COQ10B: variants seen among roughly 807,000 people sequenced by gnomAD.
COQ10B encodes coenzyme Q-binding protein COQ10 homolog B, mitochondrial.
COQ10B carries 12 observed loss-of-function variants against 27.6 expected under a neutral mutation model. The ratio of observed to expected loss-of-function variants is 0.43; its 90% CI spans 0.28 to 0.70. The LOEUF is 0.70. COQ10B is among the 30% of genes least tolerant of loss of function. COQ10B has a pLI of 0.17. For synonymous variants in COQ10B, 115 were observed against 103.0 expected (o/e 1.12, Z -0.71); for missense variants, 278 against 288.7 (o/e 0.96, Z 0.27).
At chr2:197,457,008 G>A (rs1214300833) in intron 1 of COQ10B, among the ~76,000 whole-genome samples, 1 of 151,936 alleles carries the variant, frequency 6.6e-6, no homozygotes, top group Non-Finnish European at 1.5e-5. Context: ...GTGGGGTGGG[G>A]GATGGCTTCA....
intron 3 of COQ10B, among the ~76,000 whole-genome samples, chr2:197,463,996 T>TATATACAC (rs1553574096): frequency 6.1e-5 from 2 of 32,856 alleles, no homozygotes; most frequent in South Asian, 1.8e-3. Context: ...TATATATATA[T>TATATACAC]ACACACACAC....
chr2:197,456,380 G>T (rs960498232), intron 1 of COQ10B, among the ~76,000 whole-genome samples: 1 of 151,456 alleles, frequency 6.6e-6, no homozygotes. Context: ...CAGGAGAATC[G>T]CTTGAACTGG....
Position 197,462,607 on chromosome 2 carries a change from G to T in COQ10B, c.323G>T (p.Cys108Phe). 1 of 1,596,798 alleles carries T rather than the reference G, an allele frequency of 6.3e-7. No homozygotes were observed. Among genetic ancestry groups the T allele is most frequent in the Non-Finnish European group, 8.6e-7 (1 of 1,168,506 alleles). Residue 108 changes from cysteine (C) to phenylalanine (F), a missense_variant, in exon 3 of 5, where the codon TGC becomes TTC. Cys to Phe is a radical substitution (Grantham distance 205). Transcript: ENST00000263960. ...VEDYKHFVPW[C>F]KKSDVISKRS... ...GATTACAAGCATTTTGTTCCTTGGT[G>T]CAAAAAATCAGATGTTATATCAAAG...
chr2:197,455,095 G>C (rs2085681913), intron 1 of COQ10B, among the ~76,000 whole-genome samples: 1 of 151,958 alleles, frequency 6.6e-6, no homozygotes, highest in Non-Finnish European at 1.5e-5. Flanking sequence ...TTTTCCTTAG[G>C]CTTGTAATCA....
In COQ10B at chr2:197,473,776, C is replaced by T. The variant is rs771101855; in HGVS notation, c.569C>T (p.Ser190Leu). 6.7e-7 allele frequency: 1 copy of T among 1,497,196 alleles called. No individual in the cohort carries two copies. The highest frequency in any genetic ancestry group is 8.9e-7 in the Non-Finnish European group (1 of 1,119,084). 92.7% of individuals were successfully genotyped at this position (1,497,196 alleles called of 1,614,324 possible). Residue 190 changes from serine to leucine, a missense_variant, in exon 5 of 5, where the codon TCA (serine) becomes TTA (leucine). By Grantham distance (145) the Ser-to-Leu change is moderately radical. This residue lies in a region of COQ10B where 83 missense variants were observed against 104.5 expected (regional missense o/e 0.79). Transcript: ENST00000263960. Reference protein sequence around the residue: ...LDFSISFEFRSLLHSQLATLF... With the variant: ...LDFSISFEFRLLLHSQLATLF... ...CTACAGATTTCTTTTGAATTTCGATCACTTCTACATTCCCAGCTTGCCACA... is the reference window on the plus strand; with the variant it reads ...CTACAGATTTCTTTTGAATTTCGATTACTTCTACATTCCCAGCTTGCCACA...
At chr2:197,458,576 A>G (rs902911658) in intron 1 of COQ10B, among the ~76,000 whole-genome samples, 6 of 152,208 alleles carry the variant, frequency 3.9e-5, no homozygotes, top group Non-Finnish European at 8.8e-5. Context: ...ATAGGAGCTC[A>G]GTAAATATGT....
At chr2:197,453,769 T>C (rs1388110457) in intron 1 of COQ10B, 105 bp downstream of exon 1, 2 of 1,112,636 alleles carry the variant, frequency 1.8e-6, no homozygotes, top group Non-Finnish European at 2.7e-6. Flanking sequence ...ACTCGGTGCA[T>C]TTCCGTGTCT....
At chr2:197,473,635 G>T (rs1451833231) in intron 4 of COQ10B, 122 bp from the exon 5 acceptor site, 1 of 613,442 alleles carries the variant, frequency 1.6e-6, no homozygotes, top group Non-Finnish European at 2.6e-6. Flanking sequence ...GCAGTGAGCC[G>T]CAATTGTGCC....
chr2:197,460,912 T>C (rs1276856852), intron 2 of COQ10B, among the ~76,000 whole-genome samples: 1 of 152,206 alleles, frequency 6.6e-6, no homozygotes, highest in East Asian at 1.9e-4. Context: ...GTGTGGCCCC[T>C]GATCTAGGGG....
chr2:197,459,651 A>G (rs2085735335), intron 1 of COQ10B, among the ~76,000 whole-genome samples: 1 of 152,196 alleles, frequency 6.6e-6, no homozygotes, highest in African/African-American at 2.4e-5. Flanking sequence ...TTATGGTAAG[A>G]GTAAGTTGTA....
At chr2:197,465,447 G>C (rs911822456) in intron 3 of COQ10B, among the ~76,000 whole-genome samples, 1 of 151,902 alleles carries the variant, frequency 6.6e-6, no homozygotes, top group African/African-American at 2.4e-5. Flanking sequence ...GTGCCACCAC[G>C]CTCGGCTATT....
At chr2:197,459,092 T>C (rs977322760) in intron 1 of COQ10B, among the ~76,000 whole-genome samples, 7 of 152,182 alleles carry the variant, frequency 4.6e-5, no homozygotes, top group African/African-American at 1.4e-4. Context: ...TAACTAGACA[T>C]GTTTTTACAT....
At chr2:197,456,046 A>G (rs1490894722) in intron 1 of COQ10B, among the ~76,000 whole-genome samples, 2 of 152,216 alleles carry the variant, frequency 1.3e-5, no homozygotes, top group Non-Finnish European at 2.9e-5. Context: ...ATTCAGCCAT[A>G]AAAAAGAATG....
intron 3 of COQ10B, among the ~76,000 whole-genome samples, chr2:197,463,994 T>TAC (rs1272219094): frequency 0.018 from 890 of 50,804 alleles, 9 homozygotes; most frequent in East Asian, 0.027. Flanking sequence ...TATATATATA[T>TAC]ATACACACAC....
chr2:197,453,655 G>T lies in COQ10B; in HGVS notation c.95G>T (p.Arg32Leu). The T allele has an allele frequency of 1.9e-6, 3 of 1,613,486 alleles. No homozygotes were observed. The highest frequency in any genetic ancestry group is 2.5e-6 in the Non-Finnish European group (3 of 1,179,582). ...GCGGCCGGGGCGCAGGCGCCCGTGC[G>T]GAATGGCAGGTAATCAACAGCGGGG... ...ATAAGAQAPV[R>L]NGRYLASCGI... Residue 32 changes from arginine (R) to leucine (L), a missense_variant, in exon 1 of 5, where the codon CGG becomes CTG. Coordinates refer to ENST00000263960, the MANE Select transcript of COQ10B (RefSeq NM_025147.5).
chr2:197,467,015 C>T (rs553802054), intron 3 of COQ10B, among the ~76,000 whole-genome samples: 4 of 149,906 alleles, frequency 2.7e-5, no homozygotes, highest in East Asian at 2.0e-4. Context: ...GCATGATCTA[C>T]GGCTCACCGC....
rs1208430482 is a variant in COQ10B at position 197,473,402 on chromosome 2, C to CA, written c.550-341dup. ...AACCCCTTCTCTACGCCCCCCCCCA[C>CA]AAAAAAAAAAAAAATATATATATAT... On this transcript the variant is annotated intron_variant, in intron 4 of 4. Coordinates refer to ENST00000263960, the MANE Select transcript of COQ10B (RefSeq NM_025147.5). 9.7e-3 allele frequency among the ~76,000 whole-genome samples: 444 copies of CA among 45,654 alleles called. 27 individuals are homozygous for CA. Among genetic ancestry groups the CA allele is most frequent in the Non-Finnish European group, 0.012 (325 of 26,226 alleles). 30.0% of individuals were successfully genotyped at this position (45,654 alleles called of 152,430 possible). A position where few individuals can be genotyped will look rare whatever the true frequency, so the allele number is the denominator to read the frequency against.
chr2:197,467,198 C>T (rs1410371384), intron 3 of COQ10B, among the ~76,000 whole-genome samples: 2 of 152,032 alleles, frequency 1.3e-5, no homozygotes, highest in East Asian at 1.9e-4. Context: ...CTGCCTGCCT[C>T]GGCATCCCAA....
At position 197,468,913 on chromosome 2, in the gene COQ10B, G is replaced by T. The variant is rs551523370; in HGVS notation, c.448-1157G>T. ...AAATAAAATGCTGAGCATCTCTCAG[G>T]GTCATAACGAGCATAATCAGTCCTA... On this transcript the variant is annotated intron_variant, in intron 3 of 4. Coordinates refer to ENST00000263960, the MANE Select transcript of COQ10B (RefSeq NM_025147.5). 2.0e-4 allele frequency among the ~76,000 whole-genome samples: 30 copies of T among 152,072 alleles called. 1 individual carries two copies. The East Asian group carries it at 5.8e-3, about 29-fold the overall frequency.
Sources: gnomAD v4.1 joint callset for allele counts (sites outside exome capture counted in the v4.1 genomes callset) on GRCh38, gnomAD v4.1.1 for gene constraint, gnomAD v4.1.1 regional missense constraint, MANE v1.5 for transcripts, NCBI Gene and HGNC (gene_info 2026-07-23, HGNC 2026-07-21) for gene names.